Variants in ZNF398 observed in about 807,000 individuals in gnomAD.
ZNF398 encodes zinc finger DNA binding protein ZER6.
Under a neutral mutation model 41.9 loss-of-function variants are expected in ZNF398, and 18 were observed. The observed-to-expected ratio is 0.43, with a 90% confidence interval of 0.30 to 0.64. The LOEUF (loss-of-function observed/expected upper bound fraction) is 0.64, where lower values mean the gene tolerates loss of function less well. Ranked by LOEUF, ZNF398 falls within the 30% of genes least tolerant of loss-of-function variation. The probability of loss-of-function intolerance (pLI) is 0.14; values close to 1 mark genes in which losing one functional copy is unlikely to be tolerated. For missense variants in ZNF398, 669 were observed against 822.8 expected (o/e 0.81, Z 2.29); for synonymous variants, 260 against 308.8 (o/e 0.84, Z 1.66).
chr7:149,153,467 C>G (rs1445391016), intron 1 of ZNF398, among the ~76,000 whole-genome samples: 1 of 152,146 alleles, frequency 6.6e-6, no homozygotes, highest in Non-Finnish European at 1.5e-5. Flanking sequence ...AAACAGCTCT[C>G]ATGTTTTCTT....
In ZNF398 at chr7:149,179,295, C is replaced by T. The variant is rs751484212; in HGVS notation, c.1423C>T (p.Arg475Trp). ...GAAAATCAGCCTCCTGCTCCACCAGCGGGGTCATGCACAAGAGCGCCCTTT... is the reference window on the plus strand; with the variant it reads ...GAAAATCAGCCTCCTGCTCCACCAGTGGGGTCATGCACAAGAGCGCCCTTT... ...SLKISLLLHQ[R>W]GHAQERPFSC... The change falls in exon 6 of 6, where the codon CGG becomes TGG. Residue 475 changes from arginine (R) to tryptophan (W), a missense_variant. Physicochemically the swap from Arg to Trp is moderately radical, Grantham distance 101. Coordinates refer to ENST00000475153, the MANE Select transcript of ZNF398 (RefSeq NM_170686.3). The surrounding 1 kb of genome is among the most constrained non-coding windows in gnomAD (Gnocchi z 6.1). 17 of 1,613,014 alleles carry T rather than the reference C, an allele frequency of 1.1e-5. No individual in the cohort carries two copies. The highest frequency in any genetic ancestry group is 1.3e-5 in the African/African-American group (1 of 74,920).
chr7:149,152,543 G>A (rs943468818), intron 1 of ZNF398, among the ~76,000 whole-genome samples: 4 of 149,792 alleles, frequency 2.7e-5, no homozygotes, highest in East Asian at 2.0e-4. Context: ...GCAGGCGTGA[G>A]CCACCGCGCC....
rs1227762011 is a variant in ZNF398 at position 149,181,499 on chromosome 7, A to T, written c.*1698A>T. 6.6e-6 allele frequency: 1 copy of T among 152,148 alleles called. No homozygotes were observed. The highest frequency in any genetic ancestry group is 1.5e-5 in the Non-Finnish European group (1 of 68,022). The allele number at this position is 152,148 out of a possible 1,614,324, so 9.4% of individuals were successfully genotyped here. On this transcript the variant is annotated 3_prime_UTR_variant, in exon 6 of 6. Coordinates refer to ENST00000475153, the MANE Select transcript of ZNF398 (RefSeq NM_170686.3). ...TTCTTGATGAAGTGATAAGGAAAGG[A>T]CCCATTTTTTTGCTCATCACCTAGC...
upstream of ZNF398, among the ~76,000 whole-genome samples, chr7:149,145,698 A>T (rs1826923084): frequency 6.6e-6 from 1 of 152,154 alleles, no homozygotes; most frequent in Non-Finnish European, 1.5e-5. Flanking sequence ...CCCACCAATC[A>T]GTCAACTCCA....
intron 2 of ZNF398, among the ~76,000 whole-genome samples, chr7:149,139,448 C>T (rs567238047): frequency 7.2e-5 from 11 of 152,234 alleles, no homozygotes; most frequent in African/African-American, 1.9e-4. Flanking sequence ...ATGTGCCGGG[C>T]GCGGTGGCTC....
intron 2 of ZNF398, among the ~76,000 whole-genome samples, chr7:149,161,329 G>A (rs1054267817): frequency 6.6e-6 from 1 of 152,156 alleles, no homozygotes; most frequent in Non-Finnish European, 1.5e-5. Flanking sequence ...TGAGGTTGGA[G>A]GATTGCTTGA....
upstream of ZNF398, chr7:149,147,088 C>A (rs575389090): frequency 6.6e-6 from 1 of 152,444 alleles, no homozygotes; most frequent in Non-Finnish European, 1.5e-5. The surrounding 1 kb of genome is among the most constrained non-coding windows in gnomAD (Gnocchi z 5.6). Context: ...TCAGCCGTGT[C>A]CCCCTTACTC....
rs10236818 is a variant in ZNF398, at chr7:149,177,042, C to T, written c.775+461C>T. On this transcript the variant is annotated intron_variant, in intron 5 of 5. Transcript: ENST00000475153. ...ATATAAGTATCTTCCTTCTAAGATA[C>T]TTTTGCCATTTGTATTGTAGAAGAG... Among the ~76,000 whole-genome samples the T allele has an allele frequency of 9.7e-3, 1,476 of 152,142 alleles. 27 individuals carry two copies. The highest frequency in any genetic ancestry group is 0.033 in the African/African-American group (1,384 of 41,488).
chr7:149,178,944 C>T lies in ZNF398; in HGVS notation c.1072C>T (p.Leu358=). 2 of 1,614,176 alleles carry T rather than the reference C, an allele frequency of 1.2e-6. No homozygotes were observed. The highest frequency in any genetic ancestry group is 1.7e-6 in the Non-Finnish European group (2 of 1,180,036). The change falls in exon 6 of 6, where the codon CTG becomes TTG. Residue 358 remains leucine (L), a synonymous_variant. Transcript: ENST00000475153. ...CAAGAATCTCAGCCAAGACATGTTG[C>T]TGACCCACCAATGTAGCCATGCTAC... ...CGKNLSQDML[L]THQCSHATEH... is the part of the protein sequence containing the mutation.
At chr7:149,154,916 G>A (rs1488984929) in intron 2 of ZNF398, among the ~76,000 whole-genome samples, 2 of 151,680 alleles carry the variant, frequency 1.3e-5, no homozygotes, top group Non-Finnish European at 2.9e-5. Context: ...TTGAACCCAG[G>A]AGTTGGAGGT....
chr7:149,168,780 C>T (rs949380770), intron 4 of ZNF398, among the ~76,000 whole-genome samples: 3 of 151,952 alleles, frequency 2.0e-5, no homozygotes, highest in Non-Finnish European at 4.4e-5. Context: ...GTCTTAAACT[C>T]CTGACTTCAA....
intron 2 of ZNF398, among the ~76,000 whole-genome samples, chr7:149,142,313 T>C (rs907727653): frequency 6.6e-6 from 1 of 152,220 alleles, no homozygotes; most frequent in South Asian, 2.1e-4. Flanking sequence ...AAATGTCTTA[T>C]ATACCAGATA....
chr7:149,127,086 C>T (rs1826496300), intron 1 of ZNF398, among the ~76,000 whole-genome samples: 1 of 152,162 alleles, frequency 6.6e-6, no homozygotes, highest in Non-Finnish European at 1.5e-5. Flanking sequence ...GAGGCCATGA[C>T]ACAGGGCGTG....
At position 149,151,094 on chromosome 7, in the gene ZNF398, C is replaced by G. The variant is rs897320798; in HGVS notation, c.25-2851C>G. 5 of 363,336 alleles carry G rather than the reference C, an allele frequency of 1.4e-5. No individual in the cohort carries two copies. The Admixed American group carries it at 2.7e-4, about 20-fold the overall frequency. The allele number at this position is 363,336 out of a possible 1,614,324, so 22.5% of individuals were successfully genotyped here. Reference sequence around the variant, plus strand: ...CTGTGCTGAGGCTTTGTAGTAGCCACTTTATGGAATGGGACAAGCGGCATG... The same window carrying G: ...CTGTGCTGAGGCTTTGTAGTAGCCAGTTTATGGAATGGGACAAGCGGCATG... On this transcript the variant is annotated intron_variant, in intron 1 of 5. Transcript: ENST00000475153.
chr7:149,134,317 C>T lies in ZNF398; in HGVS notation c.-490+5373C>T, dbSNP rs544531717. On this transcript the variant is annotated intron_variant, in intron 2 of 6. Transcript: ENST00000426851. ...CAGGCTGGTCTTGAACTCCTGATGT[C>T]AGGTAATCCAACCCCCCTCCCCACC... Among the ~76,000 whole-genome samples, 43 of 151,920 alleles carry T rather than the reference C, an allele frequency of 2.8e-4. No homozygotes were observed. In the South Asian group the frequency reaches 6.4e-3, roughly 23 times the overall value.
At chr7:149,156,504 CAAAAAAAA>C (rs1184656145) in intron 2 of ZNF398, among the ~76,000 whole-genome samples, 1 of 36,498 alleles carries the variant, frequency 2.7e-5, no homozygotes, top group African/African-American at 9.0e-5. Flanking sequence ...GACTCCATCT[CAAAAAAAA>C]AAAAAAAAAA....
rs779122063 is a variant in ZNF398, at chr7:149,166,949, T to G, written c.661+19T>G. ...AGTGAAGGTAAGTGGGAGAAGAGAT[T>G]CCTACTTCTTGTCTCCCTTTCCTGG... On this transcript the variant is annotated intron_variant, in intron 4 of 5. Transcript: ENST00000475153. 2 of 1,549,850 alleles carry G rather than the reference T, an allele frequency of 1.3e-6. No individual in the cohort carries two copies. The highest frequency in any genetic ancestry group is 4.6e-5 in the East Asian group (2 of 43,668).
chr7:149,162,326 C>T (rs933753797), intron 2 of ZNF398, among the ~76,000 whole-genome samples: 5 of 152,110 alleles, frequency 3.3e-5, no homozygotes, highest in East Asian at 1.9e-4. Context: ...GGACTACAGG[C>T]GCCTGCCACC....
chr7:149,126,880 C>T (rs1479843317), intron 1 of ZNF398, among the ~76,000 whole-genome samples: 1 of 152,174 alleles, frequency 6.6e-6, no homozygotes, highest in Non-Finnish European at 1.5e-5. Context: ...GTCCGGTCCC[C>T]GTGGGTGCAG....
Sources: allele counts gnomAD v4.1 joint callset (sites outside exome capture counted in the v4.1 genomes callset), GRCh38; gene constraint gnomAD v4.1.1; non-coding constraint Gnocchi (gnomAD v3.1); transcripts MANE v1.5; gene names NCBI Gene and HGNC (gene_info 2026-07-23, HGNC 2026-07-21).